MYO9A: variants seen among roughly 807,000 people sequenced by gnomAD.
MYO9A encodes unconventional myosin-IXa.
In MYO9A, 103 loss-of-function variants were observed where a neutral mutation model predicts 293.3. The observed-to-expected ratio is 0.35, with a 90% CI of 0.30 to 0.41. MYO9A has a LOEUF of 0.41. Among genes scored for constraint, MYO9A ranks in the 10% least tolerant of loss-of-function variants. MYO9A has a pLI of 1.00. For synonymous variants in MYO9A, 1,001 were observed against 1,035.7 expected (o/e 0.97, Z 0.64); for missense variants, 2,685 against 3,033.0 (o/e 0.89, Z 2.69).
rs970002644 is a variant in MYO9A, at chr15:71,910,085, CACGTATATATATAT to C, written c.2686-5093_2686-5080del. ...CTAAAGCCCCAATTTTATATATATA[CACGTATATATATAT>C]ACGTATATATATACGTGTATATATA... On this transcript the variant is annotated intron_variant, in intron 19 of 41. Transcript: ENST00000356056. Among the ~76,000 whole-genome samples the C allele has an allele frequency of 2.0e-3, 295 of 146,530 alleles. 2 individuals carry two copies. Among genetic ancestry groups the C allele is most frequent in the African/African-American group, 6.4e-3 (256 of 40,036 alleles).
Position 72,035,346 on chromosome 15 carries a change from G to C in MYO9A, c.841-2758C>G, listed in dbSNP as rs2078010557. Among the ~76,000 whole-genome samples the C allele has an allele frequency of 4.0e-5, 6 of 150,152 alleles. No homozygotes were observed. The Admixed American group carries it at 4.1e-4, about 10-fold the overall frequency. ...GCACAAACATTATCATCAGCTTTTT[G>C]ACAGTCAAAGCTTGAAAATAACGAA... is the stretch of plus-strand genomic sequence containing the variant. On this transcript the variant is annotated intron_variant, in intron 2 of 41. Transcript: ENST00000356056.
At chr15:71,901,009 T>C (rs2057467034) in intron 23 of MYO9A, among the ~76,000 whole-genome samples, 182 bp downstream of exon 23, 2 of 152,260 alleles carry the variant, frequency 1.3e-5, no homozygotes, top group South Asian at 2.1e-4. Context: ...TATTTATTAA[T>C]AGTCTATTAT....
intron 19 of MYO9A, among the ~76,000 whole-genome samples, chr15:71,914,597 C>T (rs2057954866): frequency 6.6e-6 from 1 of 152,044 alleles, no homozygotes; most frequent in Non-Finnish European, 1.5e-5. Context: ...AAATTTTTGG[C>T]AAAGGGCCTG....
intron 39 of MYO9A, among the ~76,000 whole-genome samples, chr15:71,838,677 A>G (rs1454444506): frequency 1.3e-5 from 2 of 152,164 alleles, no homozygotes; most frequent in Non-Finnish European, 2.9e-5. Context: ...CAGATTTCCA[A>G]TCCTTTATAG....
rs1235026997 is a variant in MYO9A at position 72,100,954 on chromosome 15, G to A, written c.-72+16726C>T. Among the ~76,000 whole-genome samples, 34 of 130,214 alleles carry A rather than the reference G, an allele frequency of 2.6e-4. 1 individual carries two copies. Among genetic ancestry groups the A allele is most frequent in the Non-Finnish European group, 4.9e-4 (29 of 59,762 alleles). The allele number at this position is 130,214 out of a possible 152,430, so 85.4% of individuals were successfully genotyped here. On this transcript the variant is annotated intron_variant, in intron 1 of 41. Transcript: ENST00000356056. ...AGCCCCCCGCCCGGCCAGCCGCCGC[G>A]TCCCGGAGGGAGGTGGGGGGGTCAG... is the stretch of plus-strand genomic sequence containing the variant.
chr15:71,968,527 T>C (rs2075933630), intron 12 of MYO9A, among the ~76,000 whole-genome samples: 1 of 152,188 alleles, frequency 6.6e-6, no homozygotes, highest in Non-Finnish European at 1.5e-5. Context: ...TCATAGGTAC[T>C]AAAAATCCAT....
Position 71,933,729 on chromosome 15 carries a change from A to C in MYO9A, c.2523-20T>G. 6.3e-7 allele frequency: 1 copy of C among 1,585,206 alleles called. No homozygotes were observed. The highest frequency in any genetic ancestry group is 8.6e-7 in the Non-Finnish European group (1 of 1,167,336). On this transcript the variant is annotated intron_variant, in intron 17 of 41. Coordinates refer to ENST00000356056, the MANE Select transcript of MYO9A (RefSeq NM_006901.4). ...TTTCTCCTATAGAGATAAATCATTC[A>C]TTAAAAAAAGCTACTGTATAAAAAC...
chr15:71,857,443 CAG>C (rs1175574200), intron 34 of MYO9A, among the ~76,000 whole-genome samples: 1 of 152,076 alleles, frequency 6.6e-6, no homozygotes, highest in Non-Finnish European at 1.5e-5. Flanking sequence ...GATTAAGAAA[CAG>C]AATATTACCA....
At chr15:72,115,492 T>C (rs1359055921) in intron 1 of MYO9A, among the ~76,000 whole-genome samples, 1 of 152,202 alleles carries the variant, frequency 6.6e-6, no homozygotes, top group African/African-American at 2.4e-5. Context: ...TTATCCTGTA[T>C]GCAACTTCTC....
chr15:72,027,835 T>C, intron 3 of MYO9A, 42 bp from the exon 4 acceptor site: 1 of 1,366,844 alleles, frequency 7.3e-7, no homozygotes, highest in East Asian at 2.3e-5. Flanking sequence ...TAATAAAGTT[T>C]AATATAAGGC....
intron 8 of MYO9A, among the ~76,000 whole-genome samples, 187 bp downstream of exon 8, chr15:72,007,639 C>T (rs2077054619): frequency 6.6e-6 from 1 of 152,184 alleles, no homozygotes; most frequent in African/African-American, 2.4e-5. Flanking sequence ...GATTCTGCCA[C>T]ATCCAATAGC....
At chr15:71,855,300 T>TA (rs2055821464) in intron 34 of MYO9A, among the ~76,000 whole-genome samples, 1 of 152,112 alleles carries the variant, frequency 6.6e-6, no homozygotes, top group Non-Finnish European at 1.5e-5. Context: ...CACGCCCAGC[T>TA]AATGTTTGTA....
intron 14 of MYO9A, among the ~76,000 whole-genome samples, chr15:71,956,691 T>C (rs1177862732): frequency 6.6e-6 from 1 of 150,628 alleles, no homozygotes; most frequent in Admixed American, 6.6e-5. Flanking sequence ...ATCTCTCTTA[T>C]ATACACGTAG....
intron 2 of MYO9A, among the ~76,000 whole-genome samples, chr15:72,034,528 C>A (rs1211819991): frequency 1.3e-5 from 2 of 152,164 alleles, no homozygotes; most frequent in African/African-American, 4.8e-5. Flanking sequence ...ACCGAACCAT[C>A]TGCAAACTAT....
In MYO9A at chr15:71,830,198, C is replaced by T. The variant is rs1186431946; in HGVS notation, c.6951G>A (p.Met2317Ile). The T allele has an allele frequency of 6.2e-7, 1 of 1,614,108 alleles. No individual in the cohort carries two copies. Among genetic ancestry groups the T allele is most frequent in the Admixed American group, 1.7e-5 (1 of 60,008 alleles). ...GCTGCTGTTCTGTGATGTCAGTCTC[C>T]ATGGCTGCCTCACTAGTCAAGGTCT... ...SEETLTSEAA[M>I]ETDITEQQQA... Residue 2317 changes from methionine (M) to isoleucine (I), a missense_variant, in exon 40 of 42, where the codon ATG becomes ATA. Met to Ile is a conservative substitution (Grantham distance 10). Coordinates refer to ENST00000356056, the MANE Select transcript of MYO9A (RefSeq NM_006901.4).
chr15:72,073,366 A>T (rs896528718), intron 1 of MYO9A, among the ~76,000 whole-genome samples: 6 of 152,254 alleles, frequency 3.9e-5, no homozygotes, highest in African/African-American at 1.4e-4. Flanking sequence ...TCCATGGAAC[A>T]TCAAAAAATT....
rs1166042525 is a variant in MYO9A at position 71,897,727 on chromosome 15, A to G, written c.4776T>C (p.Ala1592=). The change falls in exon 25 of 42, where the codon GCT becomes GCC. Residue 1592 remains alanine, a synonymous_variant. Coordinates refer to ENST00000356056, the MANE Select transcript of MYO9A (RefSeq NM_006901.4). ...AALAQKDSSS[A]HLPPKDRPVT... is the part of the protein sequence containing the mutation. ...CAGGTCGGTCCTTTGGGGGTAAGTGAGCAGAGGAACTGTCTTTTTGGGCAA... is the reference window on the plus strand; with the variant it reads ...CAGGTCGGTCCTTTGGGGGTAAGTGGGCAGAGGAACTGTCTTTTTGGGCAA... The G allele has an allele frequency of 6.2e-7, 1 of 1,613,932 alleles. No individual in the cohort carries two copies. Among genetic ancestry groups the G allele is most frequent in the Non-Finnish European group, 8.5e-7 (1 of 1,180,026 alleles).
intron 2 of MYO9A, chr15:72,041,281 G>T: frequency 2.1e-6 from 2 of 965,714 alleles, no homozygotes; most frequent in Non-Finnish European, 1.6e-6. Flanking sequence ...TATTTTCCTT[G>T]TATTTATTTG....
At chr15:72,082,503 C>T (rs1295525834) in intron 1 of MYO9A, among the ~76,000 whole-genome samples, 1 of 152,146 alleles carries the variant, frequency 6.6e-6, no homozygotes, top group East Asian at 1.9e-4. Context: ...GATAGTTTGA[C>T]TTCCTCTCTT....
Sources: allele counts gnomAD v4.1 joint callset (sites outside exome capture counted in the v4.1 genomes callset), GRCh38; gene constraint gnomAD v4.1.1; transcripts MANE v1.5; gene names NCBI Gene and HGNC (gene_info 2026-07-23, HGNC 2026-07-21).